SLIT3: variants seen among roughly 807,000 people sequenced by gnomAD.
The protein encoded by SLIT3 is slit homolog 3 protein.
SLIT3 carries 68 observed loss-of-function variants against 184.0 expected under a neutral mutation model. That is an observed-to-expected ratio of 0.37 (90% CI 0.30 to 0.45). The LOEUF (loss-of-function observed/expected upper bound fraction) is 0.45, where lower values mean the gene tolerates loss of function less well. SLIT3 is among the 20% of genes least tolerant of loss of function. The pLI is 1.00. For synonymous variants in SLIT3, 831 were observed against 828.6 expected, an observed-to-expected ratio of 1.00 and a Z score of -0.05; for missense variants, 1,707 against 2,026.0, an observed-to-expected ratio of 0.84 and a Z score of 3.02.
chr5:168,725,104 T>C (rs1393509100), intron 20 of SLIT3, among the ~76,000 whole-genome samples: 3 of 152,092 alleles, frequency 2.0e-5, no homozygotes, highest in Admixed American at 6.5e-5. Context: ...TGGAGCACTG[T>C]ACTACAGTTC....
In SLIT3 at chr5:168,784,856, T is replaced by C. The variant is rs1156846644; in HGVS notation, c.1151+1051A>G. On this transcript the variant is annotated intron_variant, in intron 12 of 35. Transcript: ENST00000519560. ...TTCCTCACTGCCTGTGACTTGGAGG[T>C]GATTTTAAAAAGACACACACACACA... 4.0e-5 allele frequency among the ~76,000 whole-genome samples: 6 copies of C among 151,446 alleles called. No individual in the cohort carries two copies. In the East Asian group the frequency reaches 1.2e-3, roughly 29 times the overall value.
intron 9 of SLIT3, among the ~76,000 whole-genome samples, chr5:168,796,193 G>A (rs7734645): frequency 2.0e-5 from 3 of 152,068 alleles, no homozygotes; most frequent in Admixed American, 2.0e-4. Context: ...ACCACTCCCC[G>A]GGTCTGCTGC....
In SLIT3 at chr5:168,886,035, C is replaced by A. The variant is rs144938915; in HGVS notation, c.414-2699G>T. On this transcript the variant is annotated intron_variant, in intron 4 of 35. Coordinates refer to ENST00000519560, the MANE Select transcript of SLIT3 (RefSeq NM_003062.4). ...TATAACCAGCCTTGCTCCTACTTTA[C>A]GGAGCCAGTTGAAACACAGCTTTCT... 3.2e-4 allele frequency among the ~76,000 whole-genome samples: 49 copies of A among 152,306 alleles called. 1 individual carries two copies. The highest frequency in any genetic ancestry group is 1.1e-3 in the African/African-American group (46 of 41,562).
intron 4 of SLIT3, among the ~76,000 whole-genome samples, chr5:169,011,946 CTT>C (rs35743496): frequency 1.9e-4 from 27 of 140,564 alleles, no homozygotes; most frequent in Non-Finnish European, 1.9e-4. Context: ...TTCTTTCTTG[CTT>C]TTTTTTTTTT....
Position 168,673,348 on chromosome 5 carries a change from G to A in SLIT3, c.3687-17C>T. On this transcript the variant is annotated splice_polypyrimidine_tract_variant and intron_variant, in intron 32 of 35. Transcript: ENST00000519560. ...GTCTCCACACTGGCCAGTAGAGAAG[G>A]GGAGAAAGCCGGAGAGTTCACTAAG... The A allele has an allele frequency of 5.0e-6, 8 of 1,613,660 alleles. No individual in the cohort carries two copies. Among genetic ancestry groups the A allele is most frequent in the Non-Finnish European group, 6.8e-6 (8 of 1,179,634 alleles).
chr5:168,724,584 C>G, intron 20 of SLIT3, 100 bp from the exon 21 acceptor site: 3 of 806,442 alleles, frequency 3.7e-6, no homozygotes, highest in Non-Finnish European at 5.9e-6. Flanking sequence ...GGATTAGGTC[C>G]CTCTTTTACT....
intron 5 of SLIT3, among the ~76,000 whole-genome samples, chr5:168,848,660 G>A (rs1240582493): frequency 1.3e-5 from 2 of 152,096 alleles, no homozygotes; most frequent in Non-Finnish European, 2.9e-5. Flanking sequence ...ATTTAGAGAG[G>A]AATCCTCCGA....
At chr5:168,755,389 A>ATTTCTTTCTTCTTTC (rs1754859894) in intron 16 of SLIT3, among the ~76,000 whole-genome samples, 1 of 133,640 alleles carries the variant, frequency 7.5e-6, no homozygotes. Flanking sequence ...CAGTGCCGCC[A>ATTTCTTTCTTCTTTC]TTTCTTTCTT....
intron 4 of SLIT3, among the ~76,000 whole-genome samples, chr5:169,082,500 T>A (rs949333023): frequency 2.0e-5 from 3 of 152,190 alleles, no homozygotes; most frequent in African/African-American, 7.2e-5. Context: ...AAGGGTTGGA[T>A]GTTTGTCTAT....
At chr5:168,875,051 G>A (rs1045423826) in intron 5 of SLIT3, among the ~76,000 whole-genome samples, 16 of 143,144 alleles carry the variant, frequency 1.1e-4, no homozygotes, top group Non-Finnish European at 2.5e-4. Flanking sequence ...AAGGAAGAGT[G>A]GAAGAAAGGA....
At chr5:169,255,682 G>A (rs1765933323) in intron 1 of SLIT3, among the ~76,000 whole-genome samples, 1 of 152,152 alleles carries the variant, frequency 6.6e-6, no homozygotes. Context: ...AAGAGATCGA[G>A]ACCATCCTGG....
intron 1 of SLIT3, among the ~76,000 whole-genome samples, chr5:169,299,821 C>A (rs1218501553): frequency 6.6e-6 from 1 of 152,206 alleles, no homozygotes; most frequent in Non-Finnish European, 1.5e-5. Context: ...AACGCTCGGT[C>A]TCATTTGAAG....
At position 168,794,797 on chromosome 5, in the gene SLIT3, T is replaced by C. The variant is rs528575922; in HGVS notation, c.1007+710A>G. ...TATTCCACAAACCATCGACACATGCTCCCTAAGGCCTTTCACTTGCTTTTC... is the reference window on the plus strand; with the variant it reads ...TATTCCACAAACCATCGACACATGCCCCCTAAGGCCTTTCACTTGCTTTTC... On this transcript the variant is annotated intron_variant, in intron 10 of 35. Transcript: ENST00000519560. Among the ~76,000 whole-genome samples the C allele has an allele frequency of 7.2e-5, 11 of 152,212 alleles. 1 individual carries two copies. In the South Asian group the frequency reaches 2.3e-3, roughly 32 times the overall value.
At chr5:169,024,266 G>C (rs1054005631) in intron 4 of SLIT3, 7 of 152,254 alleles carry the variant, frequency 4.6e-5, no homozygotes, top group Non-Finnish European at 7.3e-5. Flanking sequence ...ATAAGATGAC[G>C]TTCTTATTTA....
At chr5:168,724,078 A>G (rs1477254657) in intron 21 of SLIT3, among the ~76,000 whole-genome samples, 2 of 152,210 alleles carry the variant, frequency 1.3e-5, no homozygotes, top group Non-Finnish European at 2.9e-5. Flanking sequence ...CAGCCTCCCA[A>G]CAACGAATAA....
intron 4 of SLIT3, among the ~76,000 whole-genome samples, chr5:169,132,588 AC>A (rs1280083370): frequency 3.9e-5 from 6 of 152,332 alleles, no homozygotes; most frequent in African/African-American, 1.2e-4. Flanking sequence ...AAATAGCAAA[AC>A]ATAAGCTGGA....
intron 4 of SLIT3, among the ~76,000 whole-genome samples, chr5:168,908,294 A>G (rs12517543): frequency 0.4 from 60,033 of 151,878 alleles, 13,680 homozygotes; most frequent in East Asian, 0.63. Flanking sequence ...TAGCAGTGGT[A>G]GACGAGTCAC....
chr5:168,715,914 G>A (rs957931695), intron 23 of SLIT3, among the ~76,000 whole-genome samples: 4 of 151,800 alleles, frequency 2.6e-5, no homozygotes, highest in Non-Finnish European at 5.9e-5. Flanking sequence ...TCAGGTGATC[G>A]ACCTGCCTTG....
chr5:168,722,839 G>T (rs1762987349), intron 22 of SLIT3, 94 bp downstream of exon 22: 2 of 940,130 alleles, frequency 2.1e-6, no homozygotes, highest in Non-Finnish European at 3.5e-6. Context: ...GGTCATTAGG[G>T]CAGAGAAACT....
Sources: gnomAD v4.1 joint callset for allele counts (sites outside exome capture counted in the v4.1 genomes callset) on GRCh38, gnomAD v4.1.1 for gene constraint, MANE v1.5 for transcripts, NCBI Gene and HGNC (gene_info 2026-07-23, HGNC 2026-07-21) for gene names.